Variants in EPS8 observed in about 807,000 individuals in gnomAD.
The protein encoded by EPS8 is epidermal growth factor receptor kinase substrate 8.
Under a neutral mutation model 103.8 loss-of-function variants are expected in EPS8, and 42 were observed. The ratio of observed to expected loss-of-function variants is 0.40; its 90% confidence interval spans 0.32 to 0.52. The LOEUF (loss-of-function observed/expected upper bound fraction) is 0.52. EPS8 is among the 20% of genes least tolerant of loss of function. The pLI, the probability that EPS8 is intolerant of heterozygous loss-of-function variation, is 0.40. For synonymous variants in EPS8, 344 were observed against 344.6 expected (o/e 1.00, Z 0.02); for missense variants, 969 against 1,005.1 (o/e 0.96, Z 0.49).
chr12:15,664,383 A>G (rs1312058323), intron 8 of EPS8, among the ~76,000 whole-genome samples: 2 of 152,166 alleles, frequency 1.3e-5, no homozygotes, highest in African/African-American at 4.8e-5. Flanking sequence ...AATACAAGAA[A>G]CCTAAACAAA....
chr12:15,738,143 A>ATATTT lies in EPS8; in HGVS notation c.-22+51013_-22+51017dup, dbSNP rs1946785153. Among the ~76,000 whole-genome samples, 1 of 152,144 alleles carries ATATTT rather than the reference A, an allele frequency of 6.6e-6. No individual in the cohort carries two copies. The highest frequency in any genetic ancestry group is 6.5e-5 in the Admixed American group (1 of 15,278). On this transcript the variant is annotated intron_variant, in intron 1 of 20. Transcript: ENST00000281172. This position sits in a 1 kb window ranked among gnomAD's most constrained non-coding sequence, Gnocchi z 6.2. Reference sequence around the variant, plus strand: ...GATAGTGTTTAATACATAGTAGCTAATATTTTAATTGTGAATATCTAACTA... The same window carrying ATATTT: ...GATAGTGTTTAATACATAGTAGCTAATATTTTATTTTAATTGTGAATATCTAACTA...
At chr12:15,622,118 G>A (rs983362686) in intron 20 of EPS8, among the ~76,000 whole-genome samples, 1 of 152,210 alleles carries the variant, frequency 6.6e-6, no homozygotes, top group Non-Finnish European at 1.5e-5. Context: ...ATAGGCAGGT[G>A]TGGGATGAAG....
At position 15,744,702 on chromosome 12, in the gene EPS8, T is replaced by C. The variant is rs563599224; in HGVS notation, c.-22+44459A>G. Among the ~76,000 whole-genome samples the C allele has an allele frequency of 5.0e-4, 76 of 152,340 alleles. No homozygotes were observed. In the South Asian group the frequency reaches 8.1e-3, roughly 16 times the overall value. ...AGGTACTAAGTGGTAAAGGCTGGTT[T>C]CAAACTTAAGTAATTATAACACAGT... On this transcript the variant is annotated intron_variant, in intron 1 of 20. Transcript: ENST00000281172.
intron 1 of EPS8, among the ~76,000 whole-genome samples, chr12:15,723,005 G>GA (rs897410926): frequency 1.1e-3 from 140 of 129,696 alleles, no homozygotes; most frequent in East Asian, 2.4e-3. Context: ...TCACTTGTTT[G>GA]AAAAAAAAAA....
rs1238182604 is a variant in EPS8 at position 15,761,149 on chromosome 12, A to T, written c.-22+28012T>A. Among the ~76,000 whole-genome samples, 3 of 152,026 alleles carry T rather than the reference A, an allele frequency of 2.0e-5. No individual in the cohort carries two copies. The East Asian group carries it at 5.8e-4, about 29-fold the overall frequency. On this transcript the variant is annotated intron_variant, in intron 1 of 20. Coordinates refer to ENST00000281172, the MANE Select transcript of EPS8 (RefSeq NM_004447.6). This position sits in a 1 kb window ranked among gnomAD's most constrained non-coding sequence, Gnocchi z 4.5. Reference sequence around the variant, plus strand: ...CAGTAGCATTTCTACATGCCAACAGACAACAATCTGAAAAAGAAAAAAAAA... The same window carrying T: ...CAGTAGCATTTCTACATGCCAACAGTCAACAATCTGAAAAAGAAAAAAAAA...
At chr12:15,724,590 C>T (rs1051896677) in intron 1 of EPS8, among the ~76,000 whole-genome samples, 9 of 152,142 alleles carry the variant, frequency 5.9e-5, no homozygotes, top group African/African-American at 1.7e-4. Context: ...ATGTCCCCAC[C>T]GGAATCTCAT....
At chr12:15,655,918 G>A (rs1945499981) in intron 12 of EPS8, among the ~76,000 whole-genome samples, 2 of 152,298 alleles carry the variant, frequency 1.3e-5, no homozygotes, top group South Asian at 2.1e-4. Flanking sequence ...TAAAATGTCC[G>A]GGGCCCTGTA....
chr12:15,768,167 C>T (rs1165361081), intron 1 of EPS8, among the ~76,000 whole-genome samples: 2 of 151,922 alleles, frequency 1.3e-5, no homozygotes, highest in East Asian at 1.9e-4. Flanking sequence ...AGGCTGGGCA[C>T]GGTGGCTCAC....
Position 15,738,672 on chromosome 12 carries a change from A to C in EPS8, c.-22+50489T>G, listed in dbSNP as rs369469365. On this transcript the variant is annotated intron_variant, in intron 1 of 20. Coordinates refer to ENST00000281172, the MANE Select transcript of EPS8 (RefSeq NM_004447.6). This position sits in a 1 kb window ranked among gnomAD's most constrained non-coding sequence, Gnocchi z 6.2. ...CCTTAAAGCACTTGTGTTGTATTTA[A>C]TATCAGTCATTTGTTTGCATATTTG... 1.4e-4 allele frequency among the ~76,000 whole-genome samples: 21 copies of C among 152,242 alleles called. No individual in the cohort carries two copies. In the East Asian group the frequency reaches 2.1e-3, roughly 15 times the overall value.
chr12:15,638,917 T>C (rs1053381370), intron 17 of EPS8, among the ~76,000 whole-genome samples: 6 of 152,158 alleles, frequency 3.9e-5, no homozygotes, highest in African/African-American at 1.4e-4. Flanking sequence ...AAGACAAGAC[T>C]GAACAGTAAA....
At chr12:15,668,253 C>A (rs144325783) in intron 6 of EPS8, among the ~76,000 whole-genome samples, 21 of 152,146 alleles carry the variant, frequency 1.4e-4, no homozygotes, top group African/African-American at 4.6e-4. Flanking sequence ...TCATCCATGA[C>A]GTAAATTGAA....
rs1946761509 is a variant in EPS8 at position 15,735,763 on chromosome 12, C to G, written c.-21-52791G>C. Among the ~76,000 whole-genome samples the G allele has an allele frequency of 6.6e-6, 1 of 152,128 alleles. No homozygotes were observed. The highest frequency in any genetic ancestry group is 1.5e-5 in the Non-Finnish European group (1 of 68,034). On this transcript the variant is annotated intron_variant, in intron 1 of 20. Coordinates refer to ENST00000281172, the MANE Select transcript of EPS8 (RefSeq NM_004447.6). This position sits in a 1 kb window ranked among gnomAD's most constrained non-coding sequence, Gnocchi z 4.4. ...ATGTAACCTATATCTGTGTAACTTACTGTTGTAAAATATATGTTGAATATG... is the reference window on the plus strand; with the variant it reads ...ATGTAACCTATATCTGTGTAACTTAGTGTTGTAAAATATATGTTGAATATG...
chr12:15,660,856 T>C (rs1319040991), intron 9 of EPS8, 116 bp from the exon 10 acceptor site: 4 of 598,686 alleles, frequency 6.7e-6, no homozygotes, highest in Non-Finnish European at 1.2e-5. Context: ...CACATGCCAA[T>C]TTCAAGTTTA....
chr12:15,760,916 T>C lies in EPS8; in HGVS notation c.-22+28245A>G, dbSNP rs1052570292. 1.3e-5 allele frequency among the ~76,000 whole-genome samples: 2 copies of C among 151,964 alleles called. No individual in the cohort carries two copies. The highest frequency in any genetic ancestry group is 4.8e-5 in the African/African-American group (2 of 41,412). On this transcript the variant is annotated intron_variant, in intron 1 of 20. Transcript: ENST00000281172. The surrounding 1 kb of genome is among the most constrained non-coding windows in gnomAD (Gnocchi z 4.5). ...ACAGGAAGTATGCCCACTTTCACCA[T>C]TATTATTCAATGCAGTACTCCTAGC... is the stretch of plus-strand genomic sequence containing the variant.
At position 15,713,846 on chromosome 12, in the gene EPS8, A is replaced by C. The variant is rs1317730021; in HGVS notation, c.-21-30874T>G. On this transcript the variant is annotated intron_variant, in intron 1 of 20. Coordinates refer to ENST00000281172, the MANE Select transcript of EPS8 (RefSeq NM_004447.6). The surrounding 1 kb of genome is among the most constrained non-coding windows in gnomAD (Gnocchi z 4.8). ...AATCTGGGTGAAGAGGACAGGGGAA[A>C]TGCTATAAATGCTATAAGAAATTAA... Among the ~76,000 whole-genome samples the C allele has an allele frequency of 6.6e-6, 1 of 152,214 alleles. No individual in the cohort carries two copies. The highest frequency in any genetic ancestry group is 1.5e-5 in the Non-Finnish European group (1 of 68,028).
intron 1 of EPS8, among the ~76,000 whole-genome samples, chr12:15,692,319 GTT>G (rs56016545): frequency 0.022 from 2,579 of 119,510 alleles, 30 homozygotes; most frequent in African/African-American, 0.066. Context: ...AAGAGGTTTG[GTT>G]TTTTTTTTTT....
chr12:15,681,374 A>C, intron 2 of EPS8, 72 bp from the exon 3 acceptor site: 1 of 592,888 alleles, frequency 1.7e-6, no homozygotes, highest in Non-Finnish European at 2.5e-6. Context: ...GTCCAATATA[A>C]GTAACAGAAA....
rs56127815 is a variant in EPS8 at position 15,745,005 on chromosome 12, T to A, written c.-22+44156A>T. On this transcript the variant is annotated intron_variant, in intron 1 of 20. Coordinates refer to ENST00000281172, the MANE Select transcript of EPS8 (RefSeq NM_004447.6). This position sits in a 1 kb window ranked among gnomAD's most constrained non-coding sequence, Gnocchi z 4.6. Reference sequence around the variant, plus strand: ...CAGCCTCCCAAGTAGCTGGGATTACTGGCATGTGCCACCACGCCCAGCTAA... The same window carrying A: ...CAGCCTCCCAAGTAGCTGGGATTACAGGCATGTGCCACCACGCCCAGCTAA... 0.02 allele frequency among the ~76,000 whole-genome samples: 3,088 copies of A among 152,118 alleles called. 102 individuals carry two copies. The highest frequency in any genetic ancestry group is 0.07 in the African/African-American group (2,923 of 41,494).
chr12:15,737,513 G>A (rs1431793285), intron 1 of EPS8, among the ~76,000 whole-genome samples: 1 of 152,112 alleles, frequency 6.6e-6, no homozygotes, highest in African/African-American at 2.4e-5. Context: ...TCTGCTCTAA[G>A]TGCCTAATGT....
Sources: gnomAD v4.1 joint callset for allele counts (sites outside exome capture counted in the v4.1 genomes callset) on GRCh38, gnomAD v4.1.1 for gene constraint, Gnocchi (gnomAD v3.1) non-coding constraint, MANE v1.5 for transcripts, NCBI Gene and HGNC (gene_info 2026-07-23, HGNC 2026-07-21) for gene names.